FBP1: variants seen among roughly 807,000 people sequenced by gnomAD.
The protein encoded by FBP1 is fructose-bisphosphatase 1, also known as fructose-1,6-bisphosphatase 1.
FBP1 carries 22 observed loss-of-function variants against 29.9 expected under a neutral mutation model. The ratio of observed to expected loss-of-function variants is 0.74; its 90% confidence interval spans 0.53 to 1.05. The LOEUF (loss-of-function observed/expected upper bound fraction) is 1.05. FBP1 is among the 50% of genes least tolerant of loss of function. FBP1 has a pLI of 0.00. For synonymous variants in FBP1, 175 were observed against 178.6 expected (o/e 0.98, Z 0.16); for missense variants, 345 against 448.2 (o/e 0.77, Z 2.08).
At chr9:94,625,348 G>A (rs1038664651) in intron 1 of FBP1, among the ~76,000 whole-genome samples, 2 of 152,142 alleles carry the variant, frequency 1.3e-5, no homozygotes, top group Non-Finnish European at 1.5e-5. Flanking sequence ...AGGCTTGTGG[G>A]GCCACACAGC....
At chr9:94,607,369 G>C (rs1428447242) in intron 4 of FBP1, among the ~76,000 whole-genome samples, 2 of 152,204 alleles carry the variant, frequency 1.3e-5, no homozygotes, top group Non-Finnish European at 2.9e-5. Context: ...TCTCAGGAGA[G>C]ACGGGCCACC....
intron 1 of FBP1, among the ~76,000 whole-genome samples, chr9:94,625,872 C>T (rs1828019118): frequency 6.6e-6 from 1 of 151,932 alleles, no homozygotes; most frequent in South Asian, 2.1e-4. Flanking sequence ...GGGCCGCCCG[C>T]ATCCACCAAA....
intron 1 of FBP1, among the ~76,000 whole-genome samples, chr9:94,622,971 ATTATTTTTATTT>A (rs71366251): frequency 3.1e-4 from 46 of 147,672 alleles, no homozygotes; most frequent in Admixed American, 5.4e-4. Flanking sequence ...TCACTTTATG[ATTATTTTTATTT>A]TTATTTTTAT....
At chr9:94,614,008 G>A (rs1260499337) in intron 3 of FBP1, among the ~76,000 whole-genome samples, 2 of 151,062 alleles carry the variant, frequency 1.3e-5, no homozygotes, top group African/African-American at 4.9e-5. Flanking sequence ...GTGAACCCGG[G>A]AGGCAGGGCT....
intron 1 of FBP1, among the ~76,000 whole-genome samples, chr9:94,626,158 G>T (rs1422134899): frequency 6.6e-6 from 1 of 152,182 alleles, no homozygotes; most frequent in Non-Finnish European, 1.5e-5. Context: ...CTATCCTCCA[G>T]TTGTCTTTGA....
chr9:94,610,765 C>T (rs1289367610), intron 3 of FBP1, among the ~76,000 whole-genome samples: 1 of 152,204 alleles, frequency 6.6e-6, no homozygotes, highest in African/African-American at 2.4e-5. Context: ...AAAACACAGC[C>T]CACTGGGTCA....
chr9:94,610,023 T>C lies in FBP1; in HGVS notation c.465A>G (p.Gln155=). ...TDEPSEKDAL[Q]PGRNLVAAGY... is the part of the protein sequence containing the mutation. ...CGGCTGCCACCAGGTTCCGGCCTGG[T>C]TGCAGAGCATCCTTCTCAGAAGGCT... The change falls in exon 4 of 7, where the codon CAA becomes CAG. Residue 155 remains glutamine, a synonymous_variant. Coordinates refer to ENST00000375326, the MANE Select transcript of FBP1 (RefSeq NM_000507.4). 1 of 1,614,172 alleles carries C rather than the reference T, an allele frequency of 6.2e-7. No homozygotes were observed. Among genetic ancestry groups the C allele is most frequent in the South Asian group, 1.1e-5 (1 of 91,076 alleles).
At chr9:94,616,070 C>T (rs867144646) in intron 3 of FBP1, among the ~76,000 whole-genome samples, 8 of 152,060 alleles carry the variant, frequency 5.3e-5, no homozygotes, top group African/African-American at 1.2e-4. Context: ...CCTCATGATC[C>T]GCCCACCTCG....
chr9:94,624,002 C>T (rs1324378152), intron 1 of FBP1, among the ~76,000 whole-genome samples: 1 of 152,116 alleles, frequency 6.6e-6, no homozygotes, highest in Admixed American at 6.5e-5. Context: ...TCTAGGGGGG[C>T]ATTCAAGCTG....
rs774118438 is a variant in FBP1, at chr9:94,603,420, G to A, written c.978C>T (p.Leu326=). The change falls in exon 7 of 7, where the codon CTC becomes CTT. Residue 326 remains leucine (L), a synonymous_variant. Coordinates refer to ENST00000375326, the MANE Select transcript of FBP1 (RefSeq NM_000507.4). Reference sequence around the variant, plus strand: ...GCTTCTCATACACCTTCAGGAACTCGAGCACGTCGTCGGGGGATCCCAAGA... The same window carrying A: ...GCTTCTCATACACCTTCAGGAACTCAAGCACGTCGTCGGGGGATCCCAAGA... The part of the protein sequence containing the change: ...PVILGSPDDV[L]EFLKVYEKHS... 8.1e-6 allele frequency: 13 copies of A among 1,613,930 alleles called. No individual in the cohort carries two copies. The highest frequency in any genetic ancestry group is 5.3e-5 in the African/African-American group (4 of 74,924).
At chr9:94,623,316 CA>C (rs1827975189) in intron 1 of FBP1, among the ~76,000 whole-genome samples, 1 of 152,162 alleles carries the variant, frequency 6.6e-6, no homozygotes, top group Admixed American at 6.5e-5. Flanking sequence ...TTCCGGAGGG[CA>C]AATAGCACCG....
At chr9:94,618,511 G>A (rs925561177) in intron 2 of FBP1, among the ~76,000 whole-genome samples, 5 of 147,756 alleles carry the variant, frequency 3.4e-5, no homozygotes, top group Non-Finnish European at 7.4e-5. Flanking sequence ...TGGGCATGAT[G>A]CTGCACATCT....
chr9:94,621,136 C>T (rs1301497272), intron 1 of FBP1, among the ~76,000 whole-genome samples: 1 of 143,696 alleles, frequency 7.0e-6, no homozygotes, highest in Non-Finnish European at 1.5e-5. Context: ...ATGGCGTGAA[C>T]CCAGGAGGCG....
intron 1 of FBP1, among the ~76,000 whole-genome samples, chr9:94,630,794 C>A (rs1415529388): frequency 1.3e-5 from 2 of 151,864 alleles, no homozygotes; most frequent in Non-Finnish European, 2.9e-5. Flanking sequence ...GATGATGTGA[C>A]ATCAAGTTGT....
chr9:94,621,168 C>G (rs1273192163), intron 1 of FBP1, among the ~76,000 whole-genome samples: 2 of 129,078 alleles, frequency 1.5e-5, no homozygotes, highest in African/African-American at 6.0e-5. Context: ...GAGCCGAGAT[C>G]GTGCCACTGC....
chr9:94,626,016 C>T (rs1536860), intron 1 of FBP1, among the ~76,000 whole-genome samples: 133,515 of 152,288 alleles, frequency 0.88, 59,534 homozygotes, highest in East Asian at 0.99. Context: ...CCACCTGCTT[C>T]GCGTTTCCAT....
chr9:94,627,026 T>C (rs1195972618), intron 1 of FBP1, among the ~76,000 whole-genome samples: 2 of 152,078 alleles, frequency 1.3e-5, no homozygotes, highest in Non-Finnish European at 2.9e-5. Context: ...CTGTCTCTAC[T>C]AAAAATACAA....
chr9:94,617,227 C>T (rs746454176), intron 3 of FBP1, among the ~76,000 whole-genome samples: 27 of 152,242 alleles, frequency 1.8e-4, no homozygotes, highest in Admixed American at 3.3e-4. Context: ...AAGCTTCATT[C>T]GTGAAGAGTA....
intron 1 of FBP1, among the ~76,000 whole-genome samples, chr9:94,625,668 G>A (rs1030463399): frequency 6.6e-6 from 1 of 152,246 alleles, no homozygotes; most frequent in Admixed American, 6.5e-5. Flanking sequence ...GGTGGCAGGC[G>A]CCTGTGGTCC....
Sources: allele counts gnomAD v4.1 joint callset (sites outside exome capture counted in the v4.1 genomes callset), GRCh38; gene constraint gnomAD v4.1.1; transcripts MANE v1.5; gene names NCBI Gene and HGNC (gene_info 2026-07-23, HGNC 2026-07-21).